PCDHA1: variants seen among roughly 807,000 people sequenced by gnomAD.
PCDHA1 encodes the protein protocadherin alpha 1.
Under a neutral mutation model 61.3 loss-of-function variants are expected in PCDHA1, and 42 were observed. That is an observed-to-expected ratio of 0.69 (90% CI 0.54 to 0.89). The LOEUF (loss-of-function observed/expected upper bound fraction) is 0.89. PCDHA1 is among the 40% of genes least tolerant of loss of function. The pLI is 0.00. For synonymous variants in PCDHA1, 610 were observed against 553.8 expected, an observed-to-expected ratio of 1.10 and a Z score of -1.43; for missense variants, 1,256 against 1,235.3, an observed-to-expected ratio of 1.02 and a Z score of -0.25.
chr5:140,819,829 G>T (rs1766633289), intron 1 of PCDHA1, among the ~76,000 whole-genome samples: 1 of 152,078 alleles, frequency 6.6e-6, no homozygotes, highest in Admixed American at 6.5e-5. Context: ...AACTGATATT[G>T]TTGATGACTT....
In PCDHA1 at chr5:140,883,718, G is replaced by A. The variant is rs376943163; in HGVS notation, c.2394+95034G>A. 7 of 1,613,642 alleles carry A rather than the reference G, an allele frequency of 4.3e-6. No homozygotes were observed. The South Asian group carries it at 6.6e-5, about 15-fold the overall frequency. ...CACGGTGTCTGCTCAGGACGCGGAC[G>A]CACAGGAGAACGCGCTGGTCTCCTA... On this transcript the variant is annotated intron_variant, in intron 1 of 3. Transcript: ENST00000504120.
chr5:140,862,161 C>G (rs1463036699), intron 1 of PCDHA1: 1 of 163,458 alleles, frequency 6.1e-6, no homozygotes, highest in African/African-American at 2.4e-5. Context: ...ATGAAAGATT[C>G]AAATACAGGC....
chr5:140,828,863 G>T, intron 1 of PCDHA1: 1 of 1,614,202 alleles, frequency 6.2e-7, no homozygotes, highest in Non-Finnish European at 8.5e-7. Flanking sequence ...TGCAGACAAC[G>T]GAACAACAGT....
chr5:140,812,296 A>G (rs180912974), intron 1 of PCDHA1: 1 of 152,090 alleles, frequency 6.6e-6, no homozygotes, highest in Non-Finnish European at 1.5e-5. Context: ...ATTTTTTGGT[A>G]TATGATTTTA....
intron 1 of PCDHA1, chr5:140,828,077 C>T (rs782554927): frequency 1.9e-6 from 3 of 1,577,254 alleles, no homozygotes; most frequent in East Asian, 2.2e-5. Context: ...GGAAATAAAA[C>T]CAGAGGTATT....
chr5:140,823,802 A>G, intron 1 of PCDHA1: 2 of 1,613,828 alleles, frequency 1.2e-6, no homozygotes, highest in Non-Finnish European at 1.7e-6. Context: ...CAGGCGCCGA[A>G]GGCCTCATCG....
rs559374067 is a variant in PCDHA1, at chr5:140,810,804, A to G, written c.2394+22120A>G. On this transcript the variant is annotated intron_variant, in intron 1 of 3. Coordinates refer to ENST00000504120, the MANE Select transcript of PCDHA1 (RefSeq NM_018900.4). ...TTTTCAACCTCATGGCTAGTTTTTAATTCTTTTTTGTCTTTTGGTGAATAG... is the reference window on the plus strand; with the variant it reads ...TTTTCAACCTCATGGCTAGTTTTTAGTTCTTTTTTGTCTTTTGGTGAATAG... 3.3e-5 allele frequency: 5 copies of G among 151,878 alleles called. No individual in the cohort carries two copies. The East Asian group carries it at 7.7e-4, about 23-fold the overall frequency. The allele number at this position is 151,878 out of a possible 1,614,324, so 9.4% of individuals were successfully genotyped here.
intron 1 of PCDHA1, chr5:140,875,283 CAG>C: frequency 7.3e-7 from 1 of 1,362,464 alleles, no homozygotes; most frequent in Non-Finnish European, 9.6e-7. Flanking sequence ...GAAGGTGAAA[CAG>C]GAAAATTTTT....
At position 140,788,461 on chromosome 5, in the gene PCDHA1, C is replaced by T. The variant is rs1554118260; in HGVS notation, c.2171C>T (p.Ser724Leu). The T allele has an allele frequency of 2.5e-6, 4 of 1,614,138 alleles. No homozygotes were observed. In the South Asian group the frequency reaches 4.4e-5, roughly 18 times the overall value. The change falls in exon 1 of 4, where the codon TCA becomes TTA. Residue 724 changes from serine (S) to leucine (L), a missense_variant. By Grantham distance (145) the Ser-to-Leu change is moderately radical (BLOSUM62 -2). Transcript: ENST00000504120. ...TLLLYTALRC[S>L]VPPTEGAYVP... ...CTGCTGTACACGGCGCTGCGGTGCTCAGTGCCGCCCACTGAGGGTGCGTAT... is the reference window on the plus strand; with the variant it reads ...CTGCTGTACACGGCGCTGCGGTGCTTAGTGCCGCCCACTGAGGGTGCGTAT...
intron 1 of PCDHA1, chr5:140,795,876 T>C (rs73791786): frequency 6.2e-7 from 1 of 1,613,904 alleles, no homozygotes; most frequent in South Asian, 1.1e-5. Context: ...AAATCAGAAC[T>C]AAGGGAAAAT....
chr5:140,829,393 G>A, intron 1 of PCDHA1: 1 of 1,614,050 alleles, frequency 6.2e-7, no homozygotes, highest in African/African-American at 1.3e-5. Flanking sequence ...GCTCGCCTTC[G>A]CTGTGGGCCA....
chr5:140,787,215 G>A lies in PCDHA1; in HGVS notation c.925G>A (p.Asp309Asn), dbSNP rs782703821. 3.1e-6 allele frequency: 5 copies of A among 1,614,118 alleles called. No homozygotes were observed. The highest frequency in any genetic ancestry group is 4.2e-6 in the Non-Finnish European group (5 of 1,180,000). Residue 309 changes from aspartate (D) to asparagine (N), a missense_variant, in exon 1 of 4, where the codon GAT (aspartate) becomes AAT (asparagine). Physicochemically the swap from Asp to Asn is conservative, Grantham distance 23. Coordinates refer to ENST00000504120, the MANE Select transcript of PCDHA1 (RefSeq NM_018900.4). ...SGEIRLIDKL[D>N]YEETKSYEIQ... ...AGAAATTAGGTTAATTGATAAACTG[G>A]ATTATGAAGAAACAAAATCCTACGA...
At chr5:140,967,996 C>T in intron 1 of PCDHA1, 2 of 1,614,214 alleles carry the variant, frequency 1.2e-6, no homozygotes, top group Non-Finnish European at 1.7e-6. Flanking sequence ...CACTGCCTTT[C>T]CGACTGAATG....
intron 1 of PCDHA1, among the ~76,000 whole-genome samples, chr5:140,961,995 TG>T (rs2095649493): frequency 1.3e-5 from 2 of 152,062 alleles, no homozygotes; most frequent in African/African-American, 4.8e-5. Flanking sequence ...GCCATTGTCC[TG>T]CCTCAGCTTC....
At chr5:140,890,886 A>G (rs1332125590) in intron 1 of PCDHA1, among the ~76,000 whole-genome samples, 3 of 151,952 alleles carry the variant, frequency 2.0e-5, no homozygotes, top group Admixed American at 1.3e-4. Flanking sequence ...TTCATCAGGG[A>G]TTATTGTCTT....
At chr5:140,955,240 G>A (rs2095156409) in intron 1 of PCDHA1, among the ~76,000 whole-genome samples, 1 of 152,102 alleles carries the variant, frequency 6.6e-6, no homozygotes, top group African/African-American at 2.4e-5. Flanking sequence ...TTTTGCTTAG[G>A]ATCGGCTTGG....
intron 1 of PCDHA1, chr5:140,866,843 TAAC>T (rs1212569386): frequency 2.6e-5 from 4 of 152,142 alleles, no homozygotes; most frequent in African/African-American, 9.7e-5. Flanking sequence ...CAAAATCAGT[TAAC>T]AATAACTGTA....
At chr5:140,853,340 G>A (rs1398968821) in intron 1 of PCDHA1, 1 of 983,496 alleles carries the variant, frequency 1.0e-6, no homozygotes, top group East Asian at 1.1e-4. Flanking sequence ...GAGGTCATTA[G>A]CAAACATGAA....
At chr5:140,870,914 C>A (rs369740429) in intron 1 of PCDHA1, 10 of 1,613,828 alleles carry the variant, frequency 6.2e-6, no homozygotes, top group African/African-American at 1.3e-5. Context: ...GGCTACAACG[C>A]GTGGCTTTCA....
Sources: allele counts gnomAD v4.1 joint callset (sites outside exome capture counted in the v4.1 genomes callset), GRCh38; gene constraint gnomAD v4.1.1; transcripts MANE v1.5; gene names NCBI Gene and HGNC (gene_info 2026-07-23, HGNC 2026-07-21).